The following WDR7 variants were observed in gnomAD, a reference collection of about 807,000 sequenced individuals.
WDR7 encodes WD repeat-containing protein 7.
In WDR7, 46 loss-of-function variants were observed where a neutral mutation model predicts 169.4. That is an observed-to-expected ratio of 0.27 (90% CI 0.21 to 0.35). WDR7 has a LOEUF of 0.35. WDR7 is among the 10% of genes least tolerant of loss of function. WDR7 has a pLI of 1.00. For synonymous variants in WDR7, 612 were observed against 666.8 expected (o/e 0.92, Z 1.27); for missense variants, 1,534 against 1,859.3 (o/e 0.83, Z 3.22).
chr18:56,706,942 A>G (rs2025969612), intron 12 of WDR7, among the ~76,000 whole-genome samples: 1 of 144,540 alleles, frequency 6.9e-6, no homozygotes. Context: ...AGTCTCCCAG[A>G]TTGCTGGGAT....
intron 13 of WDR7, 73 bp from the exon 14 acceptor site, chr18:56,731,310 C>T: frequency 6.0e-6 from 9 of 1,495,076 alleles, no homozygotes; most frequent in Non-Finnish European, 5.4e-6. Context: ...ATTTTCATAC[C>T]ATTTTTTCTT....
In WDR7 at chr18:57,015,462, C is replaced by T. The variant is rs2048193234; in HGVS notation, c.4165-5283C>T. 2.0e-5 allele frequency among the ~76,000 whole-genome samples: 3 copies of T among 152,038 alleles called. No individual in the cohort carries two copies. The South Asian group carries it at 6.2e-4, about 32-fold the overall frequency. The stretch of plus-strand genomic sequence containing the variant: ...GAAGGGGGATTTTTTTTTCCTGGAA[C>T]ATAATTAATTCTTAACTTTTAAACT... On this transcript the variant is annotated intron_variant, in intron 26 of 27. Transcript: ENST00000254442.
rs1397395363 is a variant in WDR7, at chr18:56,816,105, G to GGC, written c.3265_3266insGC (p.Glu1089GlyfsTer23). The GGC allele has an allele frequency of 6.2e-7, 1 of 1,613,886 alleles. No individual in the cohort carries two copies. Among genetic ancestry groups the GGC allele is most frequent in the Non-Finnish European group, 8.5e-7 (1 of 1,179,918 alleles). On this transcript the variant is annotated frameshift_variant, in exon 20 of 28. Coordinates refer to ENST00000254442, the MANE Select transcript of WDR7 (RefSeq NM_015285.3). LOFTEE classifies it high-confidence loss of function. ...CTCAGGGCCTGAAGCAAAAGTCCAG[G>GGC]AGGAAGAGCATGACCTTGTTGACGA... is the stretch of plus-strand genomic sequence containing the variant.
At chr18:56,659,189 A>T (rs1440208180) in intron 1 of WDR7, among the ~76,000 whole-genome samples, 1 of 21,498 alleles carries the variant, frequency 4.7e-5, no homozygotes, top group Non-Finnish European at 1.9e-3. Flanking sequence ...GCTGGGGAAA[A>T]AAACAATATG....
At chr18:56,734,435 T>A (rs2026652678) in intron 14 of WDR7, among the ~76,000 whole-genome samples, 1 of 151,952 alleles carries the variant, frequency 6.6e-6, no homozygotes, top group South Asian at 2.1e-4. Flanking sequence ...TAGCCTCCTC[T>A]TTCCAGTTGT....
At chr18:56,734,928 G>A (rs910000793) in intron 14 of WDR7, among the ~76,000 whole-genome samples, 2 of 152,086 alleles carry the variant, frequency 1.3e-5, no homozygotes, top group African/African-American at 4.8e-5. Context: ...AATTGCTCAA[G>A]CAATTTAGTA....
chr18:56,984,695 C>A (rs1320860053), intron 26 of WDR7, among the ~76,000 whole-genome samples: 1 of 152,118 alleles, frequency 6.6e-6, no homozygotes, highest in African/African-American at 2.4e-5. Flanking sequence ...TTAAATGAAA[C>A]CTTCCCCTGG....
rs2044255002 is a variant in WDR7 at position 56,777,283 on chromosome 18, G to A, written c.2947+403G>A. 2.6e-5 allele frequency among the ~76,000 whole-genome samples: 4 copies of A among 152,296 alleles called. No individual in the cohort carries two copies. In the South Asian group the frequency reaches 8.3e-4, roughly 32 times the overall value. ...CACAATTGTGTATGCCAGTTAGAGG[G>A]AGTTGTGAGGGAATCTCTTAACATT... On this transcript the variant is annotated intron_variant, in intron 17 of 27. Coordinates refer to ENST00000254442, the MANE Select transcript of WDR7 (RefSeq NM_015285.3).
intron 20 of WDR7, among the ~76,000 whole-genome samples, chr18:56,820,533 A>G (rs920177373): frequency 6.6e-6 from 1 of 151,970 alleles, no homozygotes; most frequent in Non-Finnish European, 1.5e-5. Context: ...GCAAATATAT[A>G]TCTTCCCATT....
intron 26 of WDR7, among the ~76,000 whole-genome samples, chr18:56,993,796 T>C (rs1321752754): frequency 6.6e-6 from 1 of 152,178 alleles, no homozygotes; most frequent in African/African-American, 2.4e-5. Context: ...TGTAAAGTGA[T>C]CAGTCATCTC....
rs1392800715 is a variant in WDR7 at position 57,029,159 on chromosome 18, G to C, written c.*1952G>C. The C allele has an allele frequency of 6.6e-6, 1 of 152,204 alleles. No homozygotes were observed. The highest frequency in any genetic ancestry group is 1.5e-5 in the Non-Finnish European group (1 of 68,044). The allele number at this position is 152,204 out of a possible 1,614,324, so 9.4% of individuals were successfully genotyped here. ...TTTAACAAAAATGTTCTGTGTGTCA[G>C]GAAAGAGGTGTGAGAGTGGTAGGCA... On this transcript the variant is annotated 3_prime_UTR_variant, in exon 28 of 28. Coordinates refer to ENST00000254442, the MANE Select transcript of WDR7 (RefSeq NM_015285.3).
chr18:56,886,268 ACAGCAGATTTCT>A (rs1190396460), intron 21 of WDR7, among the ~76,000 whole-genome samples: 1 of 152,184 alleles, frequency 6.6e-6, no homozygotes, highest in Non-Finnish European at 1.5e-5. Context: ...TATCAGATTA[ACAGCAGATTTCT>A]CAGCAGAAGC....
At chr18:56,999,488 A>G (rs2047944601) in intron 26 of WDR7, among the ~76,000 whole-genome samples, 1 of 152,164 alleles carries the variant, frequency 6.6e-6, no homozygotes, top group Non-Finnish European at 1.5e-5. Flanking sequence ...AGGTGACTAA[A>G]ATAATAGGAA....
chr18:56,976,775 G>A (rs942213046), intron 26 of WDR7, among the ~76,000 whole-genome samples: 3 of 152,174 alleles, frequency 2.0e-5, no homozygotes, highest in Non-Finnish European at 4.4e-5. Flanking sequence ...TTAAAAACCT[G>A]TTGCTGGAAT....
chr18:56,708,779 A>G (rs1343681170), intron 12 of WDR7, among the ~76,000 whole-genome samples: 1 of 152,164 alleles, frequency 6.6e-6, no homozygotes, highest in Non-Finnish European at 1.5e-5. Flanking sequence ...TACTAAAAAT[A>G]CAAAAAAATT....
chr18:56,764,069 T>G (rs1317967991), intron 16 of WDR7, among the ~76,000 whole-genome samples: 3 of 152,078 alleles, frequency 2.0e-5, no homozygotes, highest in Non-Finnish European at 4.4e-5. Flanking sequence ...TATTATTTAT[T>G]TTTTCTATTT....
intron 12 of WDR7, among the ~76,000 whole-genome samples, chr18:56,708,675 C>G (rs1192124184): frequency 6.6e-6 from 1 of 152,166 alleles, no homozygotes; most frequent in Non-Finnish European, 1.5e-5. Flanking sequence ...TGGCTGACGC[C>G]TGTGATCCCA....
intron 20 of WDR7, among the ~76,000 whole-genome samples, chr18:56,835,654 C>G (rs187468906): frequency 6.6e-6 from 1 of 152,264 alleles, no homozygotes; most frequent in East Asian, 1.9e-4. Flanking sequence ...CGCTTTGCAT[C>G]TGCTGTCATT....
At chr18:56,864,456 C>T (rs181757595) in intron 20 of WDR7, among the ~76,000 whole-genome samples, 10 of 151,458 alleles carry the variant, frequency 6.6e-5, no homozygotes, top group East Asian at 5.8e-4. Context: ...TAATGTCTTG[C>T]GAAAATGACA....
Sources: gnomAD v4.1 joint callset for allele counts (sites outside exome capture counted in the v4.1 genomes callset) on GRCh38, gnomAD v4.1.1 for gene constraint, MANE v1.5 for transcripts, NCBI Gene and HGNC (gene_info 2026-07-23, HGNC 2026-07-21) for gene names.